Variants in MYO15A observed in about 807,000 individuals in gnomAD.
MYO15A encodes unconventional myosin-XV.
In MYO15A, 308 loss-of-function variants were observed where a neutral mutation model predicts 394.6. That is an observed-to-expected ratio of 0.78 (90% CI 0.71 to 0.86). The LOEUF (loss-of-function observed/expected upper bound fraction) is 0.86, where lower values mean the gene tolerates loss of function less well. Ranked by LOEUF, MYO15A falls within the 40% of genes least tolerant of loss-of-function variation. MYO15A has a pLI of 0.00. For missense variants in MYO15A, 4,606 were observed against 4,799.1 expected (o/e 0.96, Z 1.19); for synonymous variants, 1,957 against 2,003.8 (o/e 0.98, Z 0.62).
In MYO15A at chr17:18,141,687, C is replaced by G. The variant is rs779489886; in HGVS notation, c.5566C>G (p.Pro1856Ala). 6.2e-7 allele frequency: 1 copy of G among 1,614,106 alleles called. No individual in the cohort carries two copies. Among genetic ancestry groups the G allele is most frequent in the Non-Finnish European group, 8.5e-7 (1 of 1,180,024 alleles). Residue 1856 changes from proline to alanine, a missense_variant, in exon 23 of 66, where the codon CCG (proline) becomes GCG (alanine). Pro to Ala is a conservative substitution (Grantham distance 27). Coordinates refer to ENST00000647165, the MANE Select transcript of MYO15A (RefSeq NM_016239.4). The stretch of plus-strand genomic sequence containing the variant: ...TCTAGTGGCCCTCAAGCATGACCTG[C>G]CGGCTAATGGGGACATGTGTGTGTC... The part of the protein sequence containing the change: ...CCLVALKHDL[P>A]ANGDMCVSVL...
intron 15 of MYO15A, among the ~76,000 whole-genome samples, chr17:18,137,267 A>C (rs2046297362): frequency 6.6e-6 from 1 of 152,270 alleles, no homozygotes. Flanking sequence ...TGAGGCAGGT[A>C]CTGTCAGTAT....
intron 47 of MYO15A, 32 bp downstream of exon 47, chr17:18,155,464 G>C (rs2046660553): frequency 6.3e-7 from 1 of 1,575,764 alleles, no homozygotes; most frequent in Non-Finnish European, 8.7e-7. Context: ...GGGCTGGCTG[G>C]AGACTGGGAT....
chr17:18,146,123 T>C lies in MYO15A; in HGVS notation c.6509+16T>C, dbSNP rs1190490547. Reference sequence around the variant, plus strand: ...ACCTTCTCAAGTGAGTGGGACTGGATAGGGGCTGGGACACGAGGGACGGTG... The same window carrying C: ...ACCTTCTCAAGTGAGTGGGACTGGACAGGGGCTGGGACACGAGGGACGGTG... On this transcript the variant is annotated intron_variant, in intron 30 of 65. Transcript: ENST00000647165. 11 of 1,612,616 alleles carry C rather than the reference T, an allele frequency of 6.8e-6. No individual in the cohort carries two copies. Among genetic ancestry groups the C allele is most frequent in the Non-Finnish European group, 9.3e-6 (11 of 1,179,238 alleles).
chr17:18,154,907 CG>C, intron 45 of MYO15A, 152 bp downstream of exon 45: 19 of 1,030,360 alleles, frequency 1.8e-5, no homozygotes, highest in Non-Finnish European at 2.6e-5. Context: ...CTCGCATGGC[CG>C]GGCTGCATGT....
At position 18,166,518 on chromosome 17, in the gene MYO15A, C is replaced by G; in HGVS notation, c.9945C>G (p.Asn3315Lys). ...AGCTATATGTGACCATGCACTACAA[C>G]CAGGTCAGCACACGTAGGCTTCTCT... ...ENELYVTMHY[N>K]QVLPDYLKGL... Residue 3315 changes from asparagine to lysine, a missense_variant, in exon 61 of 66, where the codon AAC becomes AAG. By Grantham distance (94) the Asn-to-Lys change is moderately conservative. Coordinates refer to ENST00000647165, the MANE Select transcript of MYO15A (RefSeq NM_016239.4). The G allele has an allele frequency of 6.2e-7, 1 of 1,612,982 alleles. No homozygotes were observed. Among genetic ancestry groups the G allele is most frequent in the Non-Finnish European group, 8.5e-7 (1 of 1,180,020 alleles).
chr17:18,164,339 T>C, intron 60 of MYO15A: 3 of 212,166 alleles, frequency 1.4e-5, no homozygotes, highest in Non-Finnish European at 2.9e-5. Context: ...GACTGCCCAC[T>C]CTAGATCATG....
chr17:18,146,998 C>A (rs138164821), intron 30 of MYO15A, among the ~76,000 whole-genome samples: 1 of 152,050 alleles, frequency 6.6e-6, no homozygotes, highest in Non-Finnish European at 1.5e-5. Flanking sequence ...TATAAACACA[C>A]GTAAAGTGCT....
intron 39 of MYO15A, 21 bp downstream of exon 39, chr17:18,151,311 T>C: frequency 6.2e-7 from 1 of 1,614,196 alleles, no homozygotes; most frequent in Non-Finnish European, 8.5e-7. Flanking sequence ...TATCCCAGCC[T>C]CTGGGGCTTC....
At chr17:18,125,366 C>T (rs1197193615) in intron 4 of MYO15A, 135 bp downstream of exon 4, 9 of 880,362 alleles carry the variant, frequency 1.0e-5, no homozygotes, top group Non-Finnish European at 1.7e-5. Context: ...GAGCCTAGAA[C>T]TAAAATCTGA....
At position 18,150,062 on chromosome 17, in the gene MYO15A, C is replaced by T. The variant is rs770966257; in HGVS notation, c.7213-367C>T. 1.8e-4 allele frequency: 62 copies of T among 353,358 alleles called. No homozygotes were observed. Among genetic ancestry groups the T allele is most frequent in the African/African-American group, 9.6e-4 (46 of 47,976 alleles). The allele number at this position is 353,358 out of a possible 1,614,324, so 21.9% of individuals were successfully genotyped here. On this transcript the variant is annotated intron_variant, in intron 35 of 65. Coordinates refer to ENST00000647165, the MANE Select transcript of MYO15A (RefSeq NM_016239.4). The surrounding 1 kb of genome is among the most constrained non-coding windows in gnomAD (Gnocchi z 4.4). ...GATGGAGTTGAATGACCTTGGTCCC[C>T]GGGTCTTCTAGCCCCAGATCTCACG...
chr17:18,162,796 T>C, intron 58 of MYO15A, 117 bp downstream of exon 58: 1 of 1,055,298 alleles, frequency 9.5e-7, no homozygotes, highest in East Asian at 2.7e-5. Flanking sequence ...GGTCAGGAGT[T>C]CGAGACCAGC....
intron 2 of MYO15A, 164 bp downstream of exon 2, chr17:18,122,573 C>G: frequency 9.1e-7 from 1 of 1,103,272 alleles, no homozygotes; most frequent in Non-Finnish European, 1.3e-6. Context: ...CCTCCCAGAA[C>G]CTCTGGAGGG....
chr17:18,122,057 A>G lies in MYO15A; in HGVS notation c.3257A>G (p.Gln1086Arg). Reference sequence around the variant, plus strand: ...TGGCACCGCTGGGGAACACTGCCCCAAGCCGCAGCCCCCTTGGCGCCCATC... The same window carrying G: ...TGGCACCGCTGGGGAACACTGCCCCGAGCCGCAGCCCCCTTGGCGCCCATC... ...PPWHRWGTLP[Q>R]AAAPLAPIRA... Residue 1086 changes from glutamine (Q) to arginine (R), a missense_variant, in exon 2 of 66, where the codon CAA becomes CGA. Gln to Arg is a conservative substitution (Grantham distance 43, BLOSUM62 1). Transcript: ENST00000647165. The G allele has an allele frequency of 6.2e-7, 1 of 1,612,926 alleles. No individual in the cohort carries two copies. Among genetic ancestry groups the G allele is most frequent in the South Asian group, 1.1e-5 (1 of 91,088 alleles).
chr17:18,136,720 C>T lies in MYO15A; in HGVS notation c.4779+34C>T, dbSNP rs537562851. 27 of 1,564,504 alleles carry T rather than the reference C, an allele frequency of 1.7e-5. No individual in the cohort carries two copies. The Admixed American group carries it at 3.1e-4, about 18-fold the overall frequency. On this transcript the variant is annotated intron_variant, in intron 15 of 65. Transcript: ENST00000647165. ...GTGTAGGAGGCTGAGGGGCGGGGGA[C>T]ATAGGCAAGGTCTCGCCTCCCTCAG... is the stretch of plus-strand genomic sequence containing the variant.
chr17:18,157,260 C>A (rs746931862), intron 50 of MYO15A, 30 bp downstream of exon 50: 1 of 1,576,014 alleles, frequency 6.3e-7, no homozygotes, highest in Admixed American at 1.8e-5. Context: ...GAACCCCATA[C>A]GGGGCGCATC....
Position 18,146,084 on chromosome 17 carries a change from G to C in MYO15A, c.6486G>C (p.Pro2162=), listed in dbSNP as rs1313329708. The C allele has an allele frequency of 6.2e-7, 1 of 1,613,738 alleles. No homozygotes were observed. The highest frequency in any genetic ancestry group is 8.5e-7 in the Non-Finnish European group (1 of 1,180,028). ...GCCTCAGTGGCTTTGCACCTTCCCC[G>C]TGCTTCAACAAGTACCTTCTCAAGT... ...AACLSGFAPS[P]CFNKYLLKFV... is the part of the protein sequence containing the mutation. The change falls in exon 30 of 66, where the codon CCG becomes CCC. Residue 2162 remains proline (P), a synonymous_variant. Transcript: ENST00000647165.
rs2046944673 is a variant in MYO15A, at chr17:18,171,752, G to C, written c.10197G>C (p.Gln3399His). 1 of 1,611,008 alleles carries C rather than the reference G, an allele frequency of 6.2e-7. No homozygotes were observed. ...AGACACAGGCGCTCAGCCCCCACCA[G>C]GCCCGTGCCCAGTTTCTGGGTAAGA... is the stretch of plus-strand genomic sequence containing the variant. Reference protein sequence around the residue: ...RQQTQALSPHQARAQFLGLLS... With the variant: ...RQQTQALSPHHARAQFLGLLS... The change falls in exon 63 of 66, where the codon CAG (glutamine) becomes CAC (histidine). Residue 3399 changes from glutamine to histidine, a missense_variant. Physicochemically the swap from Gln to His is conservative, Grantham distance 24. This residue lies in a region of MYO15A where 2,776 missense variants were observed against 3,109.3 expected (regional missense o/e 0.89). Transcript: ENST00000647165.
At chr17:18,173,962 C>T (rs755900404) in intron 65 of MYO15A, 41 bp downstream of exon 65, 3 of 1,600,190 alleles carry the variant, frequency 1.9e-6, no homozygotes, top group South Asian at 1.1e-5. Context: ...TCACTGGGCC[C>T]TTCTCTGGGC....
intron 57 of MYO15A, 84 bp downstream of exon 57, chr17:18,161,531 G>C: frequency 1.3e-6 from 2 of 1,580,496 alleles, no homozygotes; most frequent in Non-Finnish European, 1.7e-6. Context: ...GGGAAACCCA[G>C]AGGGCCTCGC....
Sources: gnomAD v4.1 joint callset for allele counts (sites outside exome capture counted in the v4.1 genomes callset) on GRCh38, gnomAD v4.1.1 for gene constraint, gnomAD v4.1.1 regional missense constraint, Gnocchi (gnomAD v3.1) non-coding constraint, MANE v1.5 for transcripts, NCBI Gene and HGNC (gene_info 2026-07-23, HGNC 2026-07-21) for gene names.